PCDHGA7: variants seen among roughly 807,000 people sequenced by gnomAD.
PCDHGA7 encodes the protein protocadherin gamma subfamily A, 7, also known as protocadherin gamma-A7.
Under a neutral mutation model 58.3 loss-of-function variants are expected in PCDHGA7, and 44 were observed. The observed-to-expected ratio is 0.75, with a 90% CI of 0.59 to 0.97. The LOEUF (loss-of-function observed/expected upper bound fraction) is 0.97, where lower values mean the gene tolerates loss of function less well. Among genes scored for constraint, PCDHGA7 ranks in the 50% least tolerant of loss-of-function variants. PCDHGA7 has a pLI of 0.00. For synonymous variants in PCDHGA7, 516 were observed against 504.2 expected, an observed-to-expected ratio of 1.02 and a Z score of -0.31; for missense variants, 1,266 against 1,188.7, an observed-to-expected ratio of 1.06 and a Z score of -0.96.
Position 141,383,907 on chromosome 5 carries a change from A to G in PCDHGA7, c.1008A>G (p.Thr336=). ...GSLTKAKVLI[T]VLDVNDNAPE... ...TGACAAAGGCAAAAGTACTGATCACAGTTTTAGATGTAAATGATAATGCTC... is the reference window on the plus strand; with the variant it reads ...TGACAAAGGCAAAAGTACTGATCACGGTTTTAGATGTAAATGATAATGCTC... The change falls in exon 1 of 4, where the codon ACA becomes ACG. Residue 336 remains threonine, a synonymous_variant. Transcript: ENST00000518325. 1 of 1,613,958 alleles carries G rather than the reference A, an allele frequency of 6.2e-7. No homozygotes were observed. Among genetic ancestry groups the G allele is most frequent in the Non-Finnish European group, 8.5e-7 (1 of 1,179,886 alleles).
intron 3 of PCDHGA7, among the ~76,000 whole-genome samples, chr5:141,509,066 C>A (rs1215686419): frequency 6.6e-6 from 1 of 152,172 alleles, no homozygotes; most frequent in Non-Finnish European, 1.5e-5. Context: ...GCTCTCAGCT[C>A]CGGGGATTTG....
chr5:141,413,019 C>A (rs1056458163), intron 1 of PCDHGA7: 24 of 683,104 alleles, frequency 3.5e-5, no homozygotes, highest in Non-Finnish European at 5.2e-5. Flanking sequence ...ACTACACAAG[C>A]CCCACAAACC....
chr5:141,419,240 G>A lies in PCDHGA7; in HGVS notation c.2424+33917G>A, dbSNP rs753956971. On this transcript the variant is annotated intron_variant, in intron 1 of 3. Coordinates refer to ENST00000518325, the MANE Select transcript of PCDHGA7 (RefSeq NM_018920.4). ...CGGACAGTCAGCCTACCTGGTCCAC[G>A]TGCCAGAAAACAACCAGCCGGGTGC... is the stretch of plus-strand genomic sequence containing the variant. 6.8e-6 allele frequency: 11 copies of A among 1,613,862 alleles called. No individual in the cohort carries two copies. The highest frequency in any genetic ancestry group is 1.7e-5 in the Admixed American group (1 of 60,018).
intron 1 of PCDHGA7, chr5:141,430,569 G>A (rs1252716330): frequency 4.5e-6 from 2 of 439,930 alleles, no homozygotes; most frequent in African/African-American, 4.1e-5. Flanking sequence ...GGAGAGAAAA[G>A]CGGAGATCCT....
At chr5:141,418,455 C>G (rs1287627325) in intron 1 of PCDHGA7, 3 of 1,613,990 alleles carry the variant, frequency 1.9e-6, no homozygotes, top group Non-Finnish European at 2.5e-6. Flanking sequence ...TTGCAGAAGA[C>G]TCTGGACCGA....
intron 1 of PCDHGA7, chr5:141,413,123 A>T: frequency 6.5e-7 from 1 of 1,526,818 alleles, no homozygotes. Flanking sequence ...GAACCGGTTG[A>T]AACACACAAC....
chr5:141,502,750 A>G (rs974131144), intron 2 of PCDHGA7, among the ~76,000 whole-genome samples: 3 of 151,928 alleles, frequency 2.0e-5, no homozygotes, highest in Non-Finnish European at 4.4e-5. Context: ...TTCCTTCTAC[A>G]TGTATTTGCT....
chr5:141,406,976 A>G (rs773444464), intron 1 of PCDHGA7, among the ~76,000 whole-genome samples: 12 of 152,244 alleles, frequency 7.9e-5, no homozygotes, highest in Non-Finnish European at 1.8e-4. Flanking sequence ...AGTAAATAAC[A>G]TTTCACAAGA....
In PCDHGA7 at chr5:141,450,548, G is replaced by A. The variant is rs186010209; in HGVS notation, c.2425-44259G>A. 3.3e-4 allele frequency among the ~76,000 whole-genome samples: 50 copies of A among 151,716 alleles called. 1 individual carries two copies. Among genetic ancestry groups the A allele is most frequent in the African/African-American group, 9.9e-4 (41 of 41,366 alleles). On this transcript the variant is annotated intron_variant, in intron 1 of 3. Transcript: ENST00000518325. ...GTCACCCAGGCTGGAATGCAGTGGC[G>A]CAGTCTCGGCTCACTGCAACTTCTG... is the stretch of plus-strand genomic sequence containing the variant.
chr5:141,426,310 A>G, intron 1 of PCDHGA7: 1 of 173,588 alleles, frequency 5.8e-6, no homozygotes. Context: ...GAAGCAGAGA[A>G]GCAGGACCCG....
In PCDHGA7 at chr5:141,432,285, C is replaced by A; in HGVS notation, c.2424+46962C>A. On this transcript the variant is annotated intron_variant, in intron 1 of 3. Transcript: ENST00000518325. The surrounding 1 kb of genome is among the most constrained non-coding windows in gnomAD (Gnocchi z 6.0). ...CTATCGTCCTACGTGTCCATCAACTCCGACACTGGGGTACTGTATGCGCTG... is the reference window on the plus strand; with the variant it reads ...CTATCGTCCTACGTGTCCATCAACTACGACACTGGGGTACTGTATGCGCTG... The A allele has an allele frequency of 6.2e-7, 1 of 1,614,262 alleles. No homozygotes were observed. The highest frequency in any genetic ancestry group is 8.5e-7 in the Non-Finnish European group (1 of 1,180,052).
At chr5:141,467,134 C>T (rs905270517) in intron 1 of PCDHGA7, among the ~76,000 whole-genome samples, 19 of 151,750 alleles carry the variant, frequency 1.3e-4, no homozygotes, top group African/African-American at 4.6e-4. Flanking sequence ...CTCACTGCAA[C>T]CTCTGCCTCC....
intron 1 of PCDHGA7, chr5:141,478,354 C>T (rs141625672): frequency 1.2e-6 from 2 of 1,613,778 alleles, no homozygotes; most frequent in Non-Finnish European, 8.5e-7. Context: ...ACGCGGACGC[C>T]GTGCGGGGAG....
At chr5:141,451,334 C>G (rs916812246) in intron 1 of PCDHGA7, among the ~76,000 whole-genome samples, 4 of 152,192 alleles carry the variant, frequency 2.6e-5, no homozygotes, top group Non-Finnish European at 4.4e-5. Context: ...AGGCTATTGT[C>G]TTATCTGAAG....
At chr5:141,394,662 T>C in intron 1 of PCDHGA7, 3 of 1,613,258 alleles carry the variant, frequency 1.9e-6, no homozygotes, top group African/African-American at 2.7e-5. Flanking sequence ...GCCGGGACTC[T>C]TCTCGGTGGG....
chr5:141,413,517 G>A (rs1561743187), intron 1 of PCDHGA7: 1 of 1,613,946 alleles, frequency 6.2e-7, no homozygotes. Flanking sequence ...ATATCCTTGT[G>A]GAAGACAGGG....
chr5:141,471,112 G>A (rs1442344944), intron 1 of PCDHGA7, among the ~76,000 whole-genome samples: 3 of 147,914 alleles, frequency 2.0e-5, no homozygotes, highest in Non-Finnish European at 4.4e-5. Flanking sequence ...GCAGTGGTGC[G>A]ATCTTACCTT....
intron 1 of PCDHGA7, among the ~76,000 whole-genome samples, chr5:141,435,605 C>T (rs776926758): frequency 1.1e-4 from 17 of 152,134 alleles, no homozygotes; most frequent in Non-Finnish European, 1.9e-4. Flanking sequence ...CTGCTTTTTA[C>T]ATTAAATTCC....
chr5:141,501,125 C>A (rs2099805699), intron 2 of PCDHGA7, among the ~76,000 whole-genome samples: 1 of 152,140 alleles, frequency 6.6e-6, no homozygotes, highest in South Asian at 2.1e-4. Context: ...CCTCAGCCTC[C>A]CTAAGTGCTG....
Sources: allele counts gnomAD v4.1 joint callset (sites outside exome capture counted in the v4.1 genomes callset), GRCh38; gene constraint gnomAD v4.1.1; non-coding constraint Gnocchi (gnomAD v3.1); transcripts MANE v1.5; gene names NCBI Gene and HGNC (gene_info 2026-07-23, HGNC 2026-07-21).